CHAT: variants seen among roughly 807,000 people sequenced by gnomAD.
CHAT encodes the protein acetyl CoA:choline O-acetyltransferase.
In CHAT, 61 loss-of-function variants were observed where a neutral mutation model predicts 76.9. The observed-to-expected ratio is 0.79, with a 90% CI of 0.65 to 0.98. The LOEUF is 0.98. CHAT is among the 50% of genes least tolerant of loss of function. The probability of loss-of-function intolerance (pLI) is 0.00; values close to 1 mark genes in which losing one functional copy is unlikely to be tolerated. For missense variants in CHAT, 946 were observed against 986.9 expected (o/e 0.96, Z 0.56); for synonymous variants, 407 against 397.4 (o/e 1.02, Z -0.29).
At position 49,614,345 on chromosome 10, in the gene CHAT, C is replaced by CA. The variant is rs745552600; in HGVS notation, c.156_157insA (p.Gly53ArgfsTer28). 19 of 1,546,650 alleles carry CA rather than the reference C, an allele frequency of 1.2e-5. No individual in the cohort carries two copies. The highest frequency in any genetic ancestry group is 1.7e-5 in the Non-Finnish European group (19 of 1,145,814). Reference sequence around the variant, plus strand: ...ACCCGGGCGACGTCGGAGGCCCTGCCGGGAACCCAGGCTGCAGCCCCCACC... The same window carrying CA: ...ACCCGGGCGACGTCGGAGGCCCTGCCAGGGAACCCAGGCTGCAGCCCCCACC... On this transcript the variant is annotated frameshift_variant, in exon 1 of 15. Coordinates refer to ENST00000337653, the MANE Select transcript of CHAT (RefSeq NM_020549.5). LOFTEE classifies it high-confidence loss of function.
chr10:49,659,786 CA>C (rs1840136987), intron 13 of CHAT, among the ~76,000 whole-genome samples: 1 of 151,916 alleles, frequency 6.6e-6, no homozygotes, highest in Admixed American at 6.6e-5. Context: ...CACATGAACC[CA>C]GGGGGTGGAA....
intron 3 of CHAT, 150 bp downstream of exon 3, chr10:49,620,066 G>T: frequency 1.3e-6 from 1 of 773,748 alleles, no homozygotes; most frequent in Non-Finnish European, 2.1e-6. Flanking sequence ...GAACAGGCAG[G>T]TGGCATGGAT....
At chr10:49,639,411 CT>C (rs375303096) in intron 7 of CHAT, among the ~76,000 whole-genome samples, 2 of 149,300 alleles carry the variant, frequency 1.3e-5, no homozygotes, top group African/African-American at 2.5e-5. Flanking sequence ...ATTGATAGTT[CT>C]TTTTTTTTCA....
chr10:49,662,186 A>T (rs1840214272), intron 13 of CHAT, among the ~76,000 whole-genome samples: 1 of 152,186 alleles, frequency 6.6e-6, no homozygotes, highest in Non-Finnish European at 1.5e-5. Flanking sequence ...GAGTCTGTTC[A>T]GGACAGCCTG....
chr10:49,616,673 C>CCACTCAGGACTGT, intron 2 of CHAT, 71 bp downstream of exon 2: 2 of 1,066,334 alleles, frequency 1.9e-6, no homozygotes, highest in Non-Finnish European at 2.8e-6. Context: ...TAGAACAGTC[C>CCACTCAGGACTGT]TGAGTGGGAC....
intron 8 of CHAT, among the ~76,000 whole-genome samples, chr10:49,648,198 G>A (rs1226542704): frequency 1.3e-5 from 2 of 152,184 alleles, no homozygotes; most frequent in African/African-American, 2.4e-5. Flanking sequence ...GGCCCCAAGG[G>A]CAGCTGGGCA....
At chr10:49,620,356 T>G in intron 3 of CHAT, 139 bp from the exon 4 acceptor site, 1 of 749,702 alleles carries the variant, frequency 1.3e-6, no homozygotes, top group Non-Finnish European at 2.4e-6. Context: ...GGGAAGCTCC[T>G]GGCACATACC....
upstream of CHAT, chr10:49,612,450 G>A: frequency 9.3e-7 from 1 of 1,074,988 alleles, no homozygotes; most frequent in Non-Finnish European, 1.4e-6. Flanking sequence ...GAGTACCCCA[G>A]CCACTCCTCA....
intron 7 of CHAT, among the ~76,000 whole-genome samples, chr10:49,636,094 G>A (rs1029358451): frequency 7.9e-5 from 12 of 152,008 alleles, no homozygotes; most frequent in African/African-American, 2.4e-4. Context: ...AAAGATTAAC[G>A]TACAAAACTC....
rs756942813 is a variant in CHAT at position 49,625,617 on chromosome 10, G to A, written c.897G>A (p.Pro299=). The change falls in exon 6 of 15, where the codon CCG becomes CCA. Residue 299 remains proline, a synonymous_variant. Transcript: ENST00000337653. ...TGGCTCAGAACAGCAGCATCATGCC[G>A]GAGCCTGAGCACGTCATCGTAGCCT... ...TLVAQNSSIM[P]EPEHVIVACC... 1.4e-5 allele frequency: 22 copies of A among 1,593,908 alleles called. No homozygotes were observed. The highest frequency in any genetic ancestry group is 6.8e-5 in the East Asian group (3 of 44,146).
rs58309202 is a variant in CHAT, at chr10:49,660,443, GAA to G, written c.1840-2190_1840-2189del. 3.7e-3 allele frequency among the ~76,000 whole-genome samples: 534 copies of G among 143,000 alleles called. 1 individual carries two copies. The highest frequency in any genetic ancestry group is 9.8e-3 in the African/African-American group (378 of 38,594). The allele number at this position is 143,000 out of a possible 152,430, so 93.8% of individuals were successfully genotyped here. A position where few individuals can be genotyped will look rare whatever the true frequency, so the allele number is the denominator to read the frequency against. ...GACGACAGAGTGAGACTCCATCTCA[GAA>G]AAAAAAAAAAAGAGCTGAAATTTCA... is the stretch of plus-strand genomic sequence containing the variant. On this transcript the variant is annotated intron_variant, in intron 13 of 14. Transcript: ENST00000337653.
At chr10:49,640,029 GTTC>G (rs1839428258) in intron 7 of CHAT, among the ~76,000 whole-genome samples, 1 of 151,822 alleles carries the variant, frequency 6.6e-6, no homozygotes, top group African/African-American at 2.4e-5. Flanking sequence ...TTTCTATTTG[GTTC>G]TTCTTATATA....
rs984975189 is a variant in CHAT, at chr10:49,628,991, C to T, written c.1111+1206C>T. ...CAGATCCAGCTGGCTCCTTGCCGCA[C>T]GCAGAGCTCAGCCCAGGTGTCCGGC... On this transcript the variant is annotated intron_variant, in intron 7 of 14. Coordinates refer to ENST00000337653, the MANE Select transcript of CHAT (RefSeq NM_020549.5). 1.8e-4 allele frequency among the ~76,000 whole-genome samples: 27 copies of T among 152,384 alleles called. 1 individual carries two copies. The highest frequency in any genetic ancestry group is 1.9e-4 in the East Asian group (1 of 5,192).
chr10:49,610,842 G>C (rs757346271), upstream of CHAT: 1 of 1,611,272 alleles, frequency 6.2e-7, no homozygotes, highest in South Asian at 1.1e-5. Flanking sequence ...AGAGGCGCCT[G>C]GTGCTTGTTA....
At chr10:49,655,565 C>T in intron 13 of CHAT, 117 bp downstream of exon 13, 1 of 916,442 alleles carries the variant, frequency 1.1e-6, no homozygotes, top group Non-Finnish European at 1.8e-6. Context: ...TACTCGGGGA[C>T]TTGGCAAGGC....
intron 2 of CHAT, 51 bp downstream of exon 2, chr10:49,616,653 C>A: frequency 7.8e-7 from 1 of 1,287,404 alleles, no homozygotes; most frequent in Non-Finnish European, 1.1e-6. Context: ...CACCTACATG[C>A]CCTTGCTTCT....
intron 11 of CHAT, among the ~76,000 whole-genome samples, chr10:49,653,896 C>T (rs893566620): frequency 6.6e-6 from 1 of 152,260 alleles, no homozygotes; most frequent in Non-Finnish European, 1.5e-5. Flanking sequence ...GTGCAGCCTG[C>T]ACAATGCACC....
At chr10:49,625,695 A>G (rs1249557760) in intron 6 of CHAT, 42 bp downstream of exon 6, 13 of 1,531,922 alleles carry the variant, frequency 8.5e-6, no homozygotes, top group Non-Finnish European at 1.2e-5. Flanking sequence ...CACAGAGCAT[A>G]CAGTGGCCAT....
At chr10:49,635,865 T>A (rs1293151751) in intron 7 of CHAT, among the ~76,000 whole-genome samples, 1 of 152,052 alleles carries the variant, frequency 6.6e-6, no homozygotes, top group Non-Finnish European at 1.5e-5. Context: ...CTAAGATCAG[T>A]AATAAGAGGA....
Sources: allele counts gnomAD v4.1 joint callset (sites outside exome capture counted in the v4.1 genomes callset), GRCh38; gene constraint gnomAD v4.1.1; transcripts MANE v1.5; gene names NCBI Gene and HGNC (gene_info 2026-07-23, HGNC 2026-07-21).